SORCS1: variants seen among roughly 807,000 people sequenced by gnomAD.
The protein encoded by SORCS1 is VPS10 domain-containing receptor SorCS1.
A neutral mutation model predicts 146.1 loss-of-function variants in SORCS1; 60 were observed. The ratio of observed to expected loss-of-function variants is 0.41; its 90% confidence interval spans 0.33 to 0.51. The LOEUF is 0.51. Ranked by LOEUF, SORCS1 falls within the 20% of genes least tolerant of loss-of-function variation. The pLI is 0.21. For missense variants in SORCS1, 1,352 were observed against 1,487.6 expected (o/e 0.91, Z 1.50); for synonymous variants, 637 against 584.0 (o/e 1.09, Z -1.31).
chr10:107,099,297 T>A (rs1258731186), intron 1 of SORCS1, among the ~76,000 whole-genome samples: 1 of 152,156 alleles, frequency 6.6e-6, no homozygotes, highest in East Asian at 1.9e-4. Flanking sequence ...CAGGGACTCT[T>A]GATTGAGAAG....
At chr10:107,148,149 A>T (rs1968491371) in intron 1 of SORCS1, among the ~76,000 whole-genome samples, 1 of 152,184 alleles carries the variant, frequency 6.6e-6, no homozygotes, top group Non-Finnish European at 1.5e-5. Flanking sequence ...CCTTTGAGCC[A>T]GGAAAACCAA....
chr10:106,822,562 T>C (rs1270817402), intron 3 of SORCS1, among the ~76,000 whole-genome samples: 1 of 152,132 alleles, frequency 6.6e-6, no homozygotes, highest in East Asian at 1.9e-4. Flanking sequence ...TTCTTGGATT[T>C]TATATTTTTA....
chr10:107,164,505 C>A lies in SORCS1; in HGVS notation c.22G>T (p.Gly8Cys). MGKVGAG[G>C]GSQARLSALL... ...GCGCTCAGCCGGGCTTGGGAGCCGC[C>A]GCCGGCGCCAACTTTTCCCATCGCG... The change falls in exon 1 of 26, where the codon GGC becomes TGC. Residue 8 changes from glycine (G) to cysteine (C), a missense_variant. Gly to Cys is a radical substitution (Grantham distance 159). Transcript: ENST00000263054. The surrounding 1 kb of genome is among the most constrained non-coding windows in gnomAD (Gnocchi z 6.8). 7.4e-7 allele frequency: 1 copy of A among 1,345,996 alleles called. No individual in the cohort carries two copies. The highest frequency in any genetic ancestry group is 9.5e-7 in the Non-Finnish European group (1 of 1,055,730). 83.4% of individuals were successfully genotyped at this position (1,345,996 alleles called of 1,614,324 possible). A position where few individuals can be genotyped will look rare whatever the true frequency, so the allele number is the denominator to read the frequency against.
chr10:106,626,339 G>A (rs115789111), intron 19 of SORCS1, among the ~76,000 whole-genome samples: 148 of 152,224 alleles, frequency 9.7e-4, no homozygotes, highest in African/African-American at 3.3e-3. Context: ...TTTTGGGAAC[G>A]AGATGTGCAT....
intron 1 of SORCS1, among the ~76,000 whole-genome samples, chr10:107,040,801 A>G (rs188473769): frequency 7.9e-5 from 12 of 152,282 alleles, no homozygotes; most frequent in African/African-American, 2.9e-4. Context: ...TAAAAAACTA[A>G]TGAGACTGGT....
chr10:106,929,938 C>G (rs1365900629), intron 2 of SORCS1, among the ~76,000 whole-genome samples: 1 of 152,180 alleles, frequency 6.6e-6, no homozygotes, highest in Non-Finnish European at 1.5e-5. Context: ...GATGGGAGGA[C>G]CTCTTTTGCT....
At chr10:107,180,448 C>T in the SORCS1 span, among the ~76,000 whole-genome samples, 9 of 152,090 alleles carry the variant, frequency 5.9e-5, no homozygotes, top group African/African-American at 2.2e-4. Flanking sequence ...TTCAATTGCT[C>T]CAGAACTATT....
At chr10:106,879,851 C>G (rs369717206) in intron 2 of SORCS1, among the ~76,000 whole-genome samples, 1 of 152,178 alleles carries the variant, frequency 6.6e-6, no homozygotes, top group African/African-American at 2.4e-5. Context: ...CTCCCCAGAG[C>G]CCCCAGATGG....
rs12246775 is a variant in SORCS1 at position 107,001,857 on chromosome 10, C to A, written c.559-45277G>T. ...ATGTTCTCCGGCAAAGGCAGTTAAA[C>A]CTGGCTCTAAAAGGATTCACACCAA... On this transcript the variant is annotated intron_variant, in intron 1 of 25. Coordinates refer to ENST00000263054, the MANE Select transcript of SORCS1 (RefSeq NM_052918.5). 1.3e-5 allele frequency among the ~76,000 whole-genome samples: 2 copies of A among 152,116 alleles called. 1 individual carries two copies. Among genetic ancestry groups the A allele is most frequent in the South Asian group, 4.1e-4 (2 of 4,828 alleles).
intron 5 of SORCS1, among the ~76,000 whole-genome samples, chr10:106,743,077 G>T (rs565860408): frequency 6.6e-6 from 1 of 152,280 alleles, no homozygotes; most frequent in South Asian, 2.1e-4. Context: ...TTTGGGGTCT[G>T]TTTTTAAATC....
At position 107,060,117 on chromosome 10, in the gene SORCS1, T is replaced by G. The variant is rs534611897; in HGVS notation, c.559-103537A>C. Among the ~76,000 whole-genome samples the G allele has an allele frequency of 1.9e-4, 29 of 151,840 alleles. No individual in the cohort carries two copies. Among genetic ancestry groups the G allele is most frequent in the South Asian group, 6.3e-4 (3 of 4,790 alleles). On this transcript the variant is annotated intron_variant, in intron 1 of 25. Transcript: ENST00000263054. This position sits in a 1 kb window ranked among gnomAD's most constrained non-coding sequence, Gnocchi z 4.1. ...TAGCTGACAAATCGCCTGCCAGACC[T>G]CATCACACACACACACACACAGTAT...
At chr10:106,656,154 G>C (rs1301739493) in intron 17 of SORCS1, among the ~76,000 whole-genome samples, 1 of 152,122 alleles carries the variant, frequency 6.6e-6, no homozygotes, top group African/African-American at 2.4e-5. Context: ...CCAATTTTTA[G>C]CTATTCTCTT....
chr10:106,584,973 T>A (rs1845135958), intron 24 of SORCS1, among the ~76,000 whole-genome samples: 1 of 152,156 alleles, frequency 6.6e-6, no homozygotes, highest in Non-Finnish European at 1.5e-5. Context: ...TTCCTCAAAG[T>A]GTAGCTTATG....
chr10:106,976,336 T>G (rs1220949006), intron 1 of SORCS1, among the ~76,000 whole-genome samples: 1 of 127,872 alleles, frequency 7.8e-6, no homozygotes, highest in Non-Finnish European at 1.5e-5. Flanking sequence ...TTTTTTTGTT[T>G]TTTTTTTTTT....
intron 4 of SORCS1, among the ~76,000 whole-genome samples, chr10:106,773,227 A>G (rs1860162162): frequency 6.6e-6 from 1 of 152,244 alleles, no homozygotes; most frequent in Non-Finnish European, 1.5e-5. Flanking sequence ...CAATACTTAC[A>G]TGAAAGAATA....
At chr10:107,103,425 C>T (rs184869876) in intron 1 of SORCS1, among the ~76,000 whole-genome samples, 14 of 152,276 alleles carry the variant, frequency 9.2e-5, no homozygotes, top group Admixed American at 2.6e-4. Flanking sequence ...ATCCCCAAGC[C>T]CTGTGAAATT....
intron 2 of SORCS1, among the ~76,000 whole-genome samples, chr10:106,859,536 G>C (rs895490332): frequency 6.6e-6 from 1 of 152,170 alleles, no homozygotes; most frequent in Non-Finnish European, 1.5e-5. Flanking sequence ...TGGGACTACA[G>C]GTGCGCACCA....
intron 17 of SORCS1, 24 bp downstream of exon 17, chr10:106,667,665 A>C: frequency 1.3e-6 from 2 of 1,581,396 alleles, no homozygotes; most frequent in Non-Finnish European, 1.7e-6. Flanking sequence ...TTGGCCTCTC[A>C]AGGTCACTAC....
chr10:107,006,247 C>A (rs967840290), intron 1 of SORCS1, among the ~76,000 whole-genome samples: 1 of 152,124 alleles, frequency 6.6e-6, no homozygotes, highest in African/African-American at 2.4e-5. Context: ...AGCTCTTAAC[C>A]TATATCCTTG....
Sources: allele counts gnomAD v4.1 joint callset (sites outside exome capture counted in the v4.1 genomes callset), GRCh38; gene constraint gnomAD v4.1.1; non-coding constraint Gnocchi (gnomAD v3.1); transcripts MANE v1.5; gene names NCBI Gene and HGNC (gene_info 2026-07-23, HGNC 2026-07-21).